The following WDR7 variants were observed in gnomAD, a reference collection of about 807,000 sequenced individuals.
WDR7 encodes the protein WD repeat domain 7.
In WDR7, 46 loss-of-function variants were observed where a neutral mutation model predicts 169.4. That is an observed-to-expected ratio of 0.27 (90% confidence interval 0.21 to 0.35). The LOEUF is 0.35. Among genes scored for constraint, WDR7 ranks in the 10% least tolerant of loss-of-function variants. The pLI, the probability that WDR7 is intolerant of heterozygous loss-of-function variation, is 1.00. For synonymous variants in WDR7, 612 were observed against 666.8 expected, an observed-to-expected ratio of 0.92 and a Z score of 1.27; for missense variants, 1,534 against 1,859.3, an observed-to-expected ratio of 0.83 and a Z score of 3.22.
At chr18:56,999,504 A>C (rs1227153572) in intron 26 of WDR7, among the ~76,000 whole-genome samples, 2 of 152,168 alleles carry the variant, frequency 1.3e-5, no homozygotes, top group Non-Finnish European at 2.9e-5. Context: ...AGGAAAGAGA[A>C]GTAAAAAATT....
intron 20 of WDR7, among the ~76,000 whole-genome samples, chr18:56,863,952 TA>T (rs2045845784): frequency 6.6e-6 from 1 of 151,850 alleles, no homozygotes; most frequent in African/African-American, 2.4e-5. Context: ...AACTTGACAT[TA>T]AAATGATCTG....
chr18:56,961,462 G>A (rs1310102520), intron 25 of WDR7, among the ~76,000 whole-genome samples: 3 of 151,994 alleles, frequency 2.0e-5, no homozygotes, highest in Admixed American at 2.0e-4. Context: ...AATATCTAGG[G>A]TAGGCCACTT....
At chr18:56,692,233 C>CA (rs893203339) in intron 9 of WDR7, among the ~76,000 whole-genome samples, 4 of 152,078 alleles carry the variant, frequency 2.6e-5, no homozygotes, top group Non-Finnish European at 5.9e-5. Context: ...AATACCTCCA[C>CA]AAAATCATGT....
intron 14 of WDR7, among the ~76,000 whole-genome samples, chr18:56,737,520 G>C (rs2026726500): frequency 6.6e-6 from 1 of 152,076 alleles, no homozygotes; most frequent in African/African-American, 2.4e-5. Context: ...AAAATGACCA[G>C]GATGATTTAT....
At chr18:56,774,200 A>T (rs1212437727) in intron 16 of WDR7, among the ~76,000 whole-genome samples, 1 of 152,158 alleles carries the variant, frequency 6.6e-6, no homozygotes, top group Non-Finnish European at 1.5e-5. Context: ...CAATAGGAGT[A>T]GTTTAGAATC....
intron 20 of WDR7, among the ~76,000 whole-genome samples, chr18:56,866,384 A>G (rs1275157996): frequency 1.3e-5 from 2 of 152,016 alleles, no homozygotes; most frequent in African/African-American, 2.4e-5. Context: ...TAGTAGGCAT[A>G]TAATTATGTC....
chr18:56,953,832 T>A (rs2047214524), intron 25 of WDR7, among the ~76,000 whole-genome samples: 1 of 152,232 alleles, frequency 6.6e-6, no homozygotes, highest in Non-Finnish European at 1.5e-5. Context: ...AATCTATGCT[T>A]ATTTTTATAT....
At chr18:56,737,577 G>GA (rs980149593) in intron 14 of WDR7, among the ~76,000 whole-genome samples, 3 of 151,794 alleles carry the variant, frequency 2.0e-5, no homozygotes, top group Non-Finnish European at 4.4e-5. Context: ...TCAAAAGTCT[G>GA]AAAAAAAATG....
At chr18:56,840,992 A>G (rs1340967532) in intron 20 of WDR7, among the ~76,000 whole-genome samples, 3 of 152,014 alleles carry the variant, frequency 2.0e-5, no homozygotes, top group Non-Finnish European at 4.4e-5. Context: ...CAAGTTTGAG[A>G]CCAGCCTGGC....
chr18:56,885,124 A>C (rs2046168665), intron 21 of WDR7, among the ~76,000 whole-genome samples: 1 of 152,134 alleles, frequency 6.6e-6, no homozygotes, highest in Admixed American at 6.5e-5. Context: ...CATGGGACAA[A>C]AGAATCTGAA....
intron 26 of WDR7, among the ~76,000 whole-genome samples, chr18:57,011,606 CAT>C (rs2048136526): frequency 6.6e-6 from 1 of 152,134 alleles, no homozygotes. Flanking sequence ...GACTTTATAA[CAT>C]AAAGTTGGCA....
At chr18:56,790,886 C>G (rs17750265) in intron 19 of WDR7, among the ~76,000 whole-genome samples, 25,071 of 151,980 alleles carry the variant, frequency 0.16, 2,424 homozygotes, top group Non-Finnish European at 0.2. Context: ...GTTTGAGCAC[C>G]TGAATTGACC....
intron 20 of WDR7, among the ~76,000 whole-genome samples, chr18:56,833,240 A>C (rs557619420): frequency 5.3e-5 from 8 of 151,878 alleles, no homozygotes; most frequent in Non-Finnish European, 1.2e-4. Flanking sequence ...GGCATGTCAG[A>C]GATTGAAGAT....
rs2144644022 is a variant in WDR7 at position 56,696,451 on chromosome 18, G to A, written c.1567G>A (p.Glu523Lys). 6.2e-7 allele frequency: 1 copy of A among 1,612,174 alleles called. No homozygotes were observed. The highest frequency in any genetic ancestry group is 1.1e-5 in the South Asian group (1 of 90,780). ...GATTACTCAACTTCTAGTTCCACCT[G>A]AAAACTGTAGTGTAAGTTGATTTAT... ...GEITQLLVPP[E>K]NCSARVQHCI... The change falls in exon 12 of 28, where the codon GAA (glutamate) becomes AAA (lysine). Residue 523 changes from glutamate (E) to lysine (K), a missense_variant. Physicochemically the swap from Glu to Lys is moderately conservative, Grantham distance 56. Transcript: ENST00000254442.
chr18:56,852,687 T>C (rs1315029586), intron 20 of WDR7, among the ~76,000 whole-genome samples: 2 of 152,168 alleles, frequency 1.3e-5, no homozygotes, highest in Admixed American at 1.3e-4. Flanking sequence ...TTCTAGCATA[T>C]TTAATGTAGT....
intron 21 of WDR7, 59 bp downstream of exon 21, chr18:56,880,224 C>A: frequency 6.7e-7 from 1 of 1,496,492 alleles, no homozygotes; most frequent in Non-Finnish European, 9.1e-7. Flanking sequence ...TATTTGTCAG[C>A]AAAATCTCAT....
chr18:56,816,149 GCA>G lies in WDR7; in HGVS notation c.3304+8_3304+9del. ...TTGACGATGACATCACCACTGGTAA[GCA>G]CAGACATCTTTAACGTCTGATTGGA... is the stretch of plus-strand genomic sequence containing the variant. On this transcript the variant is annotated splice_donor_region_variant and intron_variant, in intron 20 of 27. Coordinates refer to ENST00000254442, the MANE Select transcript of WDR7 (RefSeq NM_015285.3). The G allele has an allele frequency of 6.2e-7, 1 of 1,602,204 alleles. No homozygotes were observed. The highest frequency in any genetic ancestry group is 8.5e-7 in the Non-Finnish European group (1 of 1,176,556).
chr18:57,015,330 C>T (rs1426783560), intron 26 of WDR7, among the ~76,000 whole-genome samples: 5 of 152,046 alleles, frequency 3.3e-5, no homozygotes, highest in Non-Finnish European at 7.4e-5. Flanking sequence ...TTTTTAATGG[C>T]GTTATTATCT....
intron 25 of WDR7, among the ~76,000 whole-genome samples, chr18:56,955,943 T>C (rs2047244743): frequency 6.6e-6 from 1 of 152,144 alleles, no homozygotes; most frequent in African/African-American, 2.4e-5. Context: ...ACCCTAGATG[T>C]GCATGCTATT....
Sources: allele counts gnomAD v4.1 joint callset (sites outside exome capture counted in the v4.1 genomes callset), GRCh38; gene constraint gnomAD v4.1.1; transcripts MANE v1.5; gene names NCBI Gene and HGNC (gene_info 2026-07-23, HGNC 2026-07-21).